The following TECPR2 variants were observed in gnomAD, a reference collection of about 807,000 sequenced individuals.
The protein encoded by TECPR2 is tectonin beta-propeller repeat-containing protein 2.
A neutral mutation model predicts 138.1 loss-of-function variants in TECPR2; 65 were observed. The observed-to-expected ratio is 0.47, with a 90% confidence interval of 0.39 to 0.58. The LOEUF is 0.58. TECPR2 is among the 20% of genes least tolerant of loss of function. The probability of loss-of-function intolerance (pLI) is 0.00; values close to 1 mark genes in which losing one functional copy is unlikely to be tolerated. For synonymous variants in TECPR2, 746 were observed against 749.8 expected (o/e 0.99, Z 0.08); for missense variants, 1,553 against 1,824.5 (o/e 0.85, Z 2.71).
chr14:102,380,611 G>A (rs1319061395), intron 2 of TECPR2, among the ~76,000 whole-genome samples: 1 of 152,174 alleles, frequency 6.6e-6, no homozygotes, highest in Non-Finnish European at 1.5e-5. Flanking sequence ...ATGAAATTTG[G>A]GTGAGGACAC....
intron 17 of TECPR2, among the ~76,000 whole-genome samples, chr14:102,496,442 A>G (rs1891282289): frequency 6.6e-6 from 1 of 152,184 alleles, no homozygotes; most frequent in Non-Finnish European, 1.5e-5. Context: ...CTGAGCATGG[A>G]CAGAGGCTGC....
chr14:102,376,968 G>A, intron 2 of TECPR2, 28 bp downstream of exon 2: 4 of 1,595,666 alleles, frequency 2.5e-6, no homozygotes, highest in Non-Finnish European at 3.4e-6. Flanking sequence ...TTTCACCTGA[G>A]GGGGCACGAG....
Position 102,435,143 on chromosome 14 carries a change from C to T in TECPR2, c.2326C>T (p.Pro776Ser), listed in dbSNP as rs149337621. The T allele has an allele frequency of 9.7e-5, 157 of 1,613,200 alleles. No individual in the cohort carries two copies. The highest frequency in any genetic ancestry group is 1.3e-4 in the Non-Finnish European group (154 of 1,180,054). Residue 776 changes from proline to serine, a missense_variant, in exon 9 of 20, where the codon CCT (proline) becomes TCT (serine). Physicochemically the swap from Pro to Ser is moderately conservative, Grantham distance 74. Coordinates refer to ENST00000359520, the MANE Select transcript of TECPR2 (RefSeq NM_014844.5). Reference sequence around the variant, plus strand: ...AGAGACGAGTGTGACAGAGCTCGGACCTAGTTGCTCCCAGCAGGACCTGAG... The same window carrying T: ...AGAGACGAGTGTGACAGAGCTCGGATCTAGTTGCTCCCAGCAGGACCTGAG... ...SSETSVTELGPSCSQQDLSRL... is the reference protein window; with the variant it reads ...SSETSVTELGSSCSQQDLSRL...
intron 2 of TECPR2, among the ~76,000 whole-genome samples, chr14:102,406,441 T>G (rs1888661766): frequency 6.6e-6 from 1 of 151,932 alleles, no homozygotes; most frequent in African/African-American, 2.4e-5. Context: ...AGCTACTCAG[T>G]AGGCTGAGGC....
rs139247564 is a variant in TECPR2 at position 102,450,629 on chromosome 14, C to A, written c.3386C>A (p.Ser1129Tyr). The A allele has an allele frequency of 3.0e-4, 490 of 1,614,186 alleles. No individual in the cohort carries two copies. Among genetic ancestry groups the A allele is most frequent in the Admixed American group, 7.5e-4 (45 of 60,024 alleles). ...ACAAAATGGGCCTTTGTGTTGGCTTCTGCAGCTCCCACGAAGGAAGGTGGG... is the reference window on the plus strand; with the variant it reads ...ACAAAATGGGCCTTTGTGTTGGCTTATGCAGCTCCCACGAAGGAAGGTGGG... ...SATKWAFVLASAAPTKEGSFL... is the reference protein window; with the variant it reads ...SATKWAFVLAYAAPTKEGSFL... Residue 1129 changes from serine (S) to tyrosine (Y), a missense_variant, in exon 15 of 20, where the codon TCT becomes TAT. Physicochemically the swap from Ser to Tyr is moderately radical, Grantham distance 144 (BLOSUM62 -2). Coordinates refer to ENST00000359520, the MANE Select transcript of TECPR2 (RefSeq NM_014844.5).
At chr14:102,450,114 G>T (rs966659208) in intron 14 of TECPR2, among the ~76,000 whole-genome samples, 5 of 152,130 alleles carry the variant, frequency 3.3e-5, no homozygotes, top group African/African-American at 1.2e-4. Flanking sequence ...TATGACATAA[G>T]AAAAGCAAAT....
chr14:102,388,724 A>T (rs1888086823), intron 2 of TECPR2, among the ~76,000 whole-genome samples: 1 of 152,056 alleles, frequency 6.6e-6, no homozygotes, highest in Non-Finnish European at 1.5e-5. Context: ...GCACTTTGGG[A>T]GGCTGAGGCG....
Position 102,498,266 on chromosome 14 carries a change from T to A in TECPR2, c.*9T>A. On this transcript the variant is annotated 3_prime_UTR_variant, in exon 20 of 20. Coordinates refer to ENST00000359520, the MANE Select transcript of TECPR2 (RefSeq NM_014844.5). Reference sequence around the variant, plus strand: ...AGTGGGAGGTCATCTGAAGGAGCCCTGGCCGAGTCACGCGGAGGGGCCCGG... The same window carrying A: ...AGTGGGAGGTCATCTGAAGGAGCCCAGGCCGAGTCACGCGGAGGGGCCCGG... The A allele has an allele frequency of 6.3e-7, 1 of 1,597,914 alleles. No individual in the cohort carries two copies. Among genetic ancestry groups the A allele is most frequent in the Non-Finnish European group, 8.5e-7 (1 of 1,179,034 alleles).
intron 13 of TECPR2, among the ~76,000 whole-genome samples, chr14:102,447,395 C>T (rs1595131371): frequency 1.3e-5 from 2 of 152,146 alleles, no homozygotes; most frequent in East Asian, 3.8e-4. Flanking sequence ...AGGTGTGAAC[C>T]ACCACCCTCG....
intron 9 of TECPR2, among the ~76,000 whole-genome samples, chr14:102,437,367 C>T (rs931153828): frequency 3.9e-5 from 6 of 151,954 alleles, no homozygotes; most frequent in Non-Finnish European, 7.4e-5. Context: ...GCCAACATGG[C>T]GAAACCCCGT....
At chr14:102,398,095 AAAAG>A (rs1392284111) in intron 2 of TECPR2, among the ~76,000 whole-genome samples, 105 of 143,854 alleles carry the variant, frequency 7.3e-4, no homozygotes, top group African/African-American at 2.2e-3. Flanking sequence ...AAAAAAAGAA[AAAAG>A]AAAGAAAAGA....
intron 7 of TECPR2, among the ~76,000 whole-genome samples, chr14:102,429,075 G>A (rs905614778): frequency 1.3e-5 from 2 of 152,232 alleles, no homozygotes; most frequent in Non-Finnish European, 1.5e-5. Context: ...TCAAACTCCC[G>A]ACCTCAGGCG....
chr14:102,380,316 G>C (rs1369918980), intron 2 of TECPR2, among the ~76,000 whole-genome samples: 1 of 152,246 alleles, frequency 6.6e-6, no homozygotes, highest in East Asian at 1.9e-4. Context: ...GAGGAACAAT[G>C]ATTTAAATGA....
At chr14:102,405,121 A>C (rs1244878204) in intron 2 of TECPR2, among the ~76,000 whole-genome samples, 1 of 151,988 alleles carries the variant, frequency 6.6e-6, no homozygotes, top group African/African-American at 2.4e-5. Context: ...TAGCGGGGCC[A>C]ACATGGGGAA....
chr14:102,414,433 T>C (rs932933625), intron 4 of TECPR2, among the ~76,000 whole-genome samples: 3 of 152,214 alleles, frequency 2.0e-5, no homozygotes, highest in Admixed American at 1.3e-4. Context: ...ATGAGGGAGA[T>C]GTTAGTATGG....
intron 17 of TECPR2, among the ~76,000 whole-genome samples, chr14:102,480,920 C>T (rs1890880799): frequency 7.4e-6 from 1 of 135,026 alleles, no homozygotes; most frequent in Admixed American, 8.5e-5. Context: ...TCTTGGCTCA[C>T]TGCAACCTCC....
intron 17 of TECPR2, among the ~76,000 whole-genome samples, chr14:102,476,114 G>T (rs1458312464): frequency 6.7e-6 from 1 of 149,116 alleles, no homozygotes; most frequent in East Asian, 2.0e-4. Context: ...GGCTGAGGCA[G>T]GAGAATCACT....
intron 17 of TECPR2, among the ~76,000 whole-genome samples, chr14:102,492,811 C>A (rs906586812): frequency 3.3e-5 from 5 of 152,222 alleles, no homozygotes; most frequent in African/African-American, 1.2e-4. Context: ...TGAGGCTGGG[C>A]CCCGCTTGCT....
At chr14:102,381,013 T>C (rs1304717785) in intron 2 of TECPR2, among the ~76,000 whole-genome samples, 1 of 150,284 alleles carries the variant, frequency 6.7e-6, no homozygotes, top group Non-Finnish European at 1.5e-5. Flanking sequence ...TTCGCTCTTG[T>C]TGCCCAGGCT....
Sources: gnomAD v4.1 joint callset for allele counts (sites outside exome capture counted in the v4.1 genomes callset) on GRCh38, gnomAD v4.1.1 for gene constraint, MANE v1.5 for transcripts, NCBI Gene and HGNC (gene_info 2026-07-23, HGNC 2026-07-21) for gene names.